The following LONRF3 variants were observed in gnomAD, a reference collection of about 807,000 sequenced individuals.
LONRF3 encodes LON peptidase N-terminal domain and RING finger protein 3.
Under a neutral mutation model 51.7 loss-of-function variants are expected in LONRF3, and 19 were observed. The ratio of observed to expected loss-of-function variants is 0.37; its 90% CI spans 0.26 to 0.54. The LOEUF is 0.54. Among genes scored for constraint, LONRF3 ranks in the 20% least tolerant of loss-of-function variants. LONRF3 has a pLI of 0.86. For synonymous variants in LONRF3, 265 were observed against 257.8 expected (o/e 1.03, Z -0.27); for missense variants, 521 against 623.9 (o/e 0.84, Z 1.76).
intron 7 of LONRF3, among the ~76,000 whole-genome samples, chrX:119,011,403 A>T (rs961032583): frequency 1.8e-5 from 2 of 111,429 alleles, no homozygotes; most frequent in Admixed American, 9.6e-5. Context: ...AGCTGAGTCC[A>T]CTTCTATCAT....
intron 7 of LONRF3, among the ~76,000 whole-genome samples, chrX:119,011,125 A>G (rs891705344): frequency 1.2e-4 from 13 of 109,542 alleles, no homozygotes; most frequent in Non-Finnish European, 2.3e-4. Flanking sequence ...AAAAAAAAAA[A>G]AAAAGAAAAA....
Position 118,982,915 on chromosome X carries a change from A to G in LONRF3, c.1031A>G (p.Asn344Ser), listed in dbSNP as rs1922678571. The G allele has an allele frequency of 8.3e-7, 1 of 1,210,842 alleles. No individual in the cohort carries two copies. Among genetic ancestry groups the G allele is most frequent in the Non-Finnish European group, 1.1e-6 (1 of 894,895 alleles). The change falls in exon 3 of 11, where the codon AAC (asparagine) becomes AGC (serine). Residue 344 changes from asparagine (N) to serine (S), a missense_variant. Transcript: ENST00000371628. ...TACTGTGTATCCCTTGATGGAAAGA[A>G]CAAGAGAGCAAGATGTGAAGCCCAA... The part of the protein sequence containing the change: ...FLYCVSLDGK[N>S]KRARCEAQRD...
Position 118,974,639 on chromosome X carries a change from G to A in LONRF3, c.-142G>A, listed in dbSNP as rs1921827508. 7 of 490,806 alleles carry A rather than the reference G, an allele frequency of 1.4e-5. No individual in the cohort carries two copies. The Admixed American group carries it at 2.1e-4, about 15-fold the overall frequency. 40.4% of individuals were successfully genotyped at this position (490,806 alleles called of 1,213,427 possible). A position where few individuals can be genotyped will look rare whatever the true frequency, so the allele number is the denominator to read the frequency against. ...AGTTATTAGGCGGCGCGGGGCGGCCGGCATGGAGCTCCCGGAGGCGCGGCA... is the reference window on the plus strand; with the variant it reads ...AGTTATTAGGCGGCGCGGGGCGGCCAGCATGGAGCTCCCGGAGGCGCGGCA... On this transcript the variant is annotated 5_prime_UTR_variant, in exon 1 of 11. Coordinates refer to ENST00000371628, the MANE Select transcript of LONRF3 (RefSeq NM_001031855.3).
At chrX:118,983,051 G>T (rs971773668) in intron 3 of LONRF3, 108 bp downstream of exon 3, 24 of 889,255 alleles carry the variant, frequency 2.7e-5, no homozygotes, top group Non-Finnish European at 3.8e-5. Context: ...GGGGTCCTGA[G>T]TGGGTGGTTC....
At chrX:119,007,841 T>G (rs781218952) in intron 6 of LONRF3, among the ~76,000 whole-genome samples, 3 of 112,263 alleles carry the variant, frequency 2.7e-5, no homozygotes, top group Non-Finnish European at 5.6e-5. Context: ...AAATAATACA[T>G]CTGTGTTGTT....
Position 118,984,289 on chromosome X carries a change from C to T in LONRF3, c.1059+1346C>T, listed in dbSNP as rs938897766. ...CCTGGCCTCTTAGCTGCTCTGCCAT[C>T]CTGCTTCCCATGAGGACATGGCCAC... On this transcript the variant is annotated intron_variant, in intron 3 of 10. Transcript: ENST00000371628. Among the ~76,000 whole-genome samples, 20 of 112,221 alleles carry T rather than the reference C, an allele frequency of 1.8e-4. 2 individuals carry two copies. The Admixed American group carries it at 1.9e-3, about 11-fold the overall frequency.
Position 118,989,646 on chromosome X carries a change from G to A in LONRF3, c.1298G>A (p.Gly433Glu). 4 of 1,210,434 alleles carry A rather than the reference G, an allele frequency of 3.3e-6. No homozygotes were observed. The highest frequency in any genetic ancestry group is 4.5e-6 in the Non-Finnish European group (4 of 894,980). ...CAGATTGAATCCCAAGAAGAAACGG[G>A]GATGCCTAATAAAGCCTCCAAGCAA... ...HCQIESQEET[G>E]MPNKASKQDP... Residue 433 changes from glycine (G) to glutamate (E), a missense_variant, in exon 4 of 11, where the codon GGG becomes GAG. By Grantham distance (98) the Gly-to-Glu change is moderately conservative. This residue lies in a region of LONRF3 where 376 missense variants were observed against 376.7 expected (regional missense o/e 1.00). Transcript: ENST00000371628.
chrX:118,996,159 T>C lies in LONRF3; in HGVS notation c.1415+5599T>C, dbSNP rs904576973. 3.6e-5 allele frequency among the ~76,000 whole-genome samples: 4 copies of C among 112,240 alleles called. No homozygotes were observed. The East Asian group carries it at 1.1e-3, about 31-fold the overall frequency. ...GCATCTATTGAGATGATCATGTGATTTTTGTTTTGATTTCTTTTCAGTATT... is the reference window on the plus strand; with the variant it reads ...GCATCTATTGAGATGATCATGTGATCTTTGTTTTGATTTCTTTTCAGTATT... On this transcript the variant is annotated intron_variant, in intron 5 of 10. Transcript: ENST00000371628.
At chrX:118,983,578 TGA>T (rs1922731663) in intron 3 of LONRF3, among the ~76,000 whole-genome samples, 1 of 112,804 alleles carries the variant, frequency 8.9e-6, no homozygotes, top group East Asian at 2.8e-4. Flanking sequence ...TGTGAAATAC[TGA>T]GAGCATTAGT....
At chrX:118,976,582 C>T (rs1922078124) in intron 1 of LONRF3, 1 of 110,239 alleles carries the variant, frequency 9.1e-6, no homozygotes, top group African/African-American at 3.3e-5. Flanking sequence ...GCCTCTGTCC[C>T]GCTTTTCAGT....
At position 118,978,330 on chromosome X, in the gene LONRF3, T is replaced by G. The variant is rs140894602; in HGVS notation, c.818-15T>G. ...GGGGGCCATTAATAAAGGTTTTTCT[T>G]TCTTATTTTGACAGCTCCAAATGAC... On this transcript the variant is annotated splice_polypyrimidine_tract_variant and intron_variant, in intron 1 of 10. Coordinates refer to ENST00000371628, the MANE Select transcript of LONRF3 (RefSeq NM_001031855.3). 159 of 1,137,554 alleles carry G rather than the reference T, an allele frequency of 1.4e-4. 2 individuals are homozygous for G. The African/African-American group carries it at 2.3e-3, about 16-fold the overall frequency. 93.7% of individuals were successfully genotyped at this position (1,137,554 alleles called of 1,213,427 possible).
chrX:119,005,474 G>A (rs746913708), intron 5 of LONRF3, among the ~76,000 whole-genome samples: 4 of 111,801 alleles, frequency 3.6e-5, no homozygotes, highest in South Asian at 3.7e-4. Flanking sequence ...ATATATGTGT[G>A]TATATGCATC....
chrX:119,013,097 C>T lies in LONRF3; in HGVS notation c.1870C>T (p.Arg624Cys), dbSNP rs1462990892. ...IRNVQFFADG[R>C]SVVDSIGKRR... ...AAATGTTCAATTCTTTGCTGATGGC[C>T]GCTCAGTGGTTGACAGCATAGGCAA... Residue 624 changes from arginine to cysteine, a missense_variant, in exon 9 of 11, where the codon CGC becomes TGC. Arg to Cys is a radical substitution (Grantham distance 180). Coordinates refer to ENST00000371628, the MANE Select transcript of LONRF3 (RefSeq NM_001031855.3). 10 of 1,211,755 alleles carry T rather than the reference C, an allele frequency of 8.3e-6. No homozygotes were observed. Among genetic ancestry groups the T allele is most frequent in the Admixed American group, 2.2e-5 (1 of 46,049 alleles).
chrX:119,015,473 C>A (rs931469704), intron 10 of LONRF3, among the ~76,000 whole-genome samples: 5 of 110,639 alleles, frequency 4.5e-5, no homozygotes, highest in Non-Finnish European at 9.5e-5. Context: ...TGGCTTCTTT[C>A]CCCCCCCATG....
At chrX:119,001,901 GA>G (rs1237575795) in intron 5 of LONRF3, among the ~76,000 whole-genome samples, 2 of 112,161 alleles carry the variant, frequency 1.8e-5, no homozygotes, top group African/African-American at 6.5e-5. Context: ...AAATTCTCAG[GA>G]AAAATGGTTT....
intron 3 of LONRF3, among the ~76,000 whole-genome samples, chrX:118,987,448 T>TTTTG (rs1923077820): frequency 5.1e-5 from 4 of 78,986 alleles, no homozygotes; most frequent in African/African-American, 1.9e-4. Context: ...TGGCTAAGTT[T>TTTTG]TTTTTTTTTT....
chrX:119,009,528 G>A (rs1050176704), intron 7 of LONRF3, among the ~76,000 whole-genome samples: 1 of 111,830 alleles, frequency 8.9e-6, no homozygotes, highest in African/African-American at 3.3e-5. Flanking sequence ...GGTATTGTTG[G>A]CAAGAGTAAA....
intron 4 of LONRF3, among the ~76,000 whole-genome samples, chrX:118,990,008 G>A (rs1923305319): frequency 8.9e-6 from 1 of 112,145 alleles, no homozygotes; most frequent in East Asian, 2.8e-4. Context: ...CCCCATTCTA[G>A]GAATGCAGGA....
At chrX:118,977,605 G>A (rs1280575703) in intron 1 of LONRF3, among the ~76,000 whole-genome samples, 1 of 112,204 alleles carries the variant, frequency 8.9e-6, no homozygotes, top group Non-Finnish European at 1.9e-5. Flanking sequence ...CCAGCTAGCC[G>A]TGTGACCTTG....
Sources: allele counts gnomAD v4.1 joint callset (sites outside exome capture counted in the v4.1 genomes callset), GRCh38; gene constraint gnomAD v4.1.1; regional missense constraint gnomAD v4.1.1; transcripts MANE v1.5; gene names NCBI Gene and HGNC (gene_info 2026-07-23, HGNC 2026-07-21).